FOLH1: variants seen among roughly 807,000 people sequenced by gnomAD.
The protein encoded by FOLH1 is folate hydrolase 1.
Under a neutral mutation model 93.9 loss-of-function variants are expected in FOLH1, and 54 were observed. The ratio of observed to expected loss-of-function variants is 0.57; its 90% CI spans 0.46 to 0.72. The LOEUF is 0.72. Among genes scored for constraint, FOLH1 ranks in the 30% least tolerant of loss-of-function variants. The pLI, the probability that FOLH1 is intolerant of heterozygous loss-of-function variation, is 0.00. For synonymous variants in FOLH1, 249 were observed against 303.6 expected (o/e 0.82, Z 1.87); for missense variants, 571 against 892.5 (o/e 0.64, Z 4.59).
Position 49,202,406 on chromosome 11 carries a change from C to CT in FOLH1, c.225-1966dup, listed in dbSNP as rs56109471. Among the ~76,000 whole-genome samples, 653 of 149,142 alleles carry CT rather than the reference C, an allele frequency of 4.4e-3. 4 individuals carry two copies. Among genetic ancestry groups the CT allele is most frequent in the Non-Finnish European group, 7.4e-3 (493 of 67,006 alleles). On this transcript the variant is annotated intron_variant, in intron 2 of 18. Transcript: ENST00000256999. ...TGTTTCTAGTATTGTCACATTATCTCTTTTTTTTTTGTAAGAGACAGAGTC... is the reference window on the plus strand; with the variant it reads ...TGTTTCTAGTATTGTCACATTATCTCTTTTTTTTTTTGTAAGAGACAGAGTC...
chr11:49,153,695 T>A (rs1856702291), intron 17 of FOLH1, 151 bp downstream of exon 17: 1 of 491,950 alleles, frequency 2.0e-6, no homozygotes, highest in Non-Finnish European at 3.4e-6. Context: ...GTTCTGTCCA[T>A]GTATCCAGCA....
chr11:49,169,277 CTATAAA>C lies in FOLH1; in HGVS notation c.1309-25_1309-20del, dbSNP rs756052948. ...AATTCTCCTATAATAAAAAGGAAAA[CTATAAA>C]TATAAAGTTATAACCCACTCCCCCT... On this transcript the variant is annotated intron_variant, in intron 11 of 18. Coordinates refer to ENST00000256999, the MANE Select transcript of FOLH1 (RefSeq NM_004476.3). 1.4e-5 allele frequency: 22 copies of C among 1,609,398 alleles called. No homozygotes were observed. The East Asian group carries it at 1.8e-4, about 13-fold the overall frequency.
At chr11:49,205,276 A>G (rs1174525457) in intron 2 of FOLH1, among the ~76,000 whole-genome samples, 7 of 152,336 alleles carry the variant, frequency 4.6e-5, no homozygotes, top group Admixed American at 3.3e-4. Context: ...GTAATTCTAT[A>G]TAAGTATTTT....
intron 17 of FOLH1, among the ~76,000 whole-genome samples, chr11:49,152,194 G>A (rs578261879): frequency 5.3e-4 from 80 of 152,042 alleles, no homozygotes; most frequent in African/African-American, 1.9e-3. Context: ...TTAGGCATTA[G>A]GTTATTTTGA....
At chr11:49,177,903 C>T (rs1241382955) in intron 7 of FOLH1, among the ~76,000 whole-genome samples, 1 of 148,592 alleles carries the variant, frequency 6.7e-6, no homozygotes, top group African/African-American at 2.5e-5. Flanking sequence ...GTAGAGATTG[C>T]GGTGAAGCGA....
At chr11:49,152,896 G>A (rs942302483) in intron 17 of FOLH1, among the ~76,000 whole-genome samples, 1 of 151,994 alleles carries the variant, frequency 6.6e-6, no homozygotes, top group Non-Finnish European at 1.5e-5. Flanking sequence ...TGTGAAGTGC[G>A]ATTCTGAATT....
intron 7 of FOLH1, among the ~76,000 whole-genome samples, chr11:49,180,142 A>ACTCT (rs147218545): frequency 0.022 from 3,300 of 152,250 alleles, 123 homozygotes; most frequent in African/African-American, 0.076. Context: ...TCTCTCACTT[A>ACTCT]CTCTCTGAAC....
intron 18 of FOLH1, among the ~76,000 whole-genome samples, chr11:49,147,943 G>T (rs1267916990): frequency 6.6e-6 from 1 of 151,880 alleles, no homozygotes; most frequent in African/African-American, 2.4e-5. Flanking sequence ...AAAAAAGGGG[G>T]GGTGGGGGAT....
In FOLH1 at chr11:49,157,913, C is replaced by A. The variant is rs777479466; in HGVS notation, c.1532+39G>T. On this transcript the variant is annotated intron_variant, in intron 14 of 18. Coordinates refer to ENST00000256999, the MANE Select transcript of FOLH1 (RefSeq NM_004476.3). ...ATGTGCTTTTATTTTCAAAACAATC[C>A]CACACTGAATTCAGTGGAAACTTCA... 24 of 1,511,308 alleles carry A rather than the reference C, an allele frequency of 1.6e-5. No homozygotes were observed. In the Admixed American group the frequency reaches 4.1e-4, roughly 26 times the overall value. 93.6% of individuals were successfully genotyped at this position (1,511,308 alleles called of 1,614,324 possible).
chr11:49,153,548 C>T (rs1296095507), intron 17 of FOLH1, among the ~76,000 whole-genome samples: 1 of 152,112 alleles, frequency 6.6e-6, no homozygotes, highest in Non-Finnish European at 1.5e-5. Flanking sequence ...ACTGACATTT[C>T]TGAGCGGCAC....
chr11:49,151,417 CACACACACACAG>C (rs1187966992), intron 17 of FOLH1, among the ~76,000 whole-genome samples: 1 of 143,980 alleles, frequency 6.9e-6, no homozygotes, highest in African/African-American at 2.7e-5. Context: ...CGTGCGTGCA[CACACACACACAG>C]ACACACACAC....
rs768558882 is a variant in FOLH1 at position 49,169,233 on chromosome 11, C to T, written c.1334G>A (p.Arg445His). 2.5e-6 allele frequency: 4 copies of T among 1,613,122 alleles called. No individual in the cohort carries two copies. Among genetic ancestry groups the T allele is most frequent in the South Asian group, 1.1e-5 (1 of 91,054 alleles). ...AEENSRLLQERGVAYINADSS... is the reference protein window; with the variant it reads ...AEENSRLLQEHGVAYINADSS... Reference sequence around the variant, plus strand: ...GTCAGCATTAATATAAGCCACGCCACGCTCTTGAAGGAGTCTTGAATTCTC... The same window carrying T: ...GTCAGCATTAATATAAGCCACGCCATGCTCTTGAAGGAGTCTTGAATTCTC... The change falls in exon 12 of 19, where the codon CGT becomes CAT. Residue 445 changes from arginine to histidine, a missense_variant. Arg to His is a conservative substitution (Grantham distance 29, BLOSUM62 0). Coordinates refer to ENST00000256999, the MANE Select transcript of FOLH1 (RefSeq NM_004476.3).
intron 3 of FOLH1, among the ~76,000 whole-genome samples, chr11:49,199,315 T>C (rs78584332): frequency 0.01 from 1,534 of 152,336 alleles, 22 homozygotes; most frequent in African/African-American, 0.035. Context: ...ATCTTTCATA[T>C]TGAACATACA....
At chr11:49,156,430 T>G (rs1390884779) in intron 15 of FOLH1, among the ~76,000 whole-genome samples, 3 of 151,980 alleles carry the variant, frequency 2.0e-5, no homozygotes, top group Non-Finnish European at 4.4e-5. Flanking sequence ...AATGACTGAG[T>G]GAATGCAATG....
intron 9 of FOLH1, 97 bp from the exon 10 acceptor site, chr11:49,173,573 C>T (rs1458949910): frequency 3.8e-6 from 3 of 790,664 alleles, no homozygotes; most frequent in Non-Finnish European, 4.5e-6. Context: ...GCACTCACGC[C>T]TCAGAAAAAA....
At chr11:49,156,634 T>C in intron 15 of FOLH1, 83 bp downstream of exon 15, 2 of 1,445,976 alleles carry the variant, frequency 1.4e-6, no homozygotes, top group Non-Finnish European at 1.9e-6. Flanking sequence ...CCTCTAATGC[T>C]TGAGTCACTT....
intron 13 of FOLH1, among the ~76,000 whole-genome samples, chr11:49,163,731 A>G (rs530948984): frequency 6.1e-4 from 92 of 151,984 alleles, no homozygotes; most frequent in Admixed American, 2.0e-3. Context: ...AAGCCTGGAA[A>G]GCTGGTGTAT....
intron 1 of FOLH1, chr11:49,206,656 A>T: frequency 1.3e-6 from 1 of 779,806 alleles, no homozygotes. Context: ...GTTGAAGGAA[A>T]TTCAGACTTC....
At chr11:49,170,756 C>T (rs1859162641) in intron 11 of FOLH1, among the ~76,000 whole-genome samples, 1 of 152,104 alleles carries the variant, frequency 6.6e-6, no homozygotes. Context: ...GCTTAATTCC[C>T]TTTGAATCAG....
Sources: allele counts gnomAD v4.1 joint callset (sites outside exome capture counted in the v4.1 genomes callset), GRCh38; gene constraint gnomAD v4.1.1; transcripts MANE v1.5; gene names NCBI Gene and HGNC (gene_info 2026-07-23, HGNC 2026-07-21).